Variants in ANKRD36C observed in about 807,000 individuals in gnomAD.
ANKRD36C encodes the protein ankyrin repeat domain 36C, also known as ankyrin repeat domain-containing protein 36C.
Under a neutral mutation model 276.4 loss-of-function variants are expected in ANKRD36C, and 61 were observed. The observed-to-expected ratio is 0.22, with a 90% CI of 0.18 to 0.27. The LOEUF is 0.27. Ranked by LOEUF, ANKRD36C falls within the 10% of genes least tolerant of loss-of-function variation. The pLI, the probability that ANKRD36C is intolerant of heterozygous loss-of-function variation, is 1.00. For missense variants in ANKRD36C, 1,447 were observed against 2,032.3 expected, an observed-to-expected ratio of 0.71 and a Z score of 5.54; for synonymous variants, 483 against 680.1, an observed-to-expected ratio of 0.71 and a Z score of 4.51.
At chr2:95,918,231 C>G (rs1387963801) in intron 34 of ANKRD36C, among the ~76,000 whole-genome samples, 189 bp from the exon 37 acceptor site, 2 of 151,600 alleles carry the variant, frequency 1.3e-5, no homozygotes, top group African/African-American at 2.4e-5. Context: ...CAGGCTCCAT[C>G]AAATATATCC....
At chr2:95,910,675 G>C (rs527504628) in intron 42 of ANKRD36C, 107 bp from the exon 45 acceptor site, 3 of 1,564,972 alleles carry the variant, frequency 1.9e-6, no homozygotes, top group East Asian at 2.3e-5. Context: ...CTGTATTAGC[G>C]CAGGCTTTGA....
intron 42 of ANKRD36C, chr2:95,902,926 A>T (rs1355110774): frequency 1.4e-5 from 23 of 1,589,470 alleles, no homozygotes; most frequent in Non-Finnish European, 2.0e-5. Flanking sequence ...CTCTGGCTAT[A>T]TTCAAAAGAG....
exon 8 of ANKRD36C, chr2:95,962,400 T>C (rs760098161): frequency 4.5e-6 from 7 of 1,568,526 alleles, no homozygotes; most frequent in Admixed American, 1.9e-5. Flanking sequence ...ATATTCGAGA[T>C]AGAATCTTCC....
At chr2:95,910,615 A>G in intron 42 of ANKRD36C, 47 bp from the exon 45 acceptor site, 1 of 1,601,800 alleles carries the variant, frequency 6.2e-7, no homozygotes, top group Non-Finnish European at 8.5e-7. Flanking sequence ...AAATATGACA[A>G]AGATATCCAT....
At chr2:95,946,326 A>G (rs1227126246) in intron 17 of ANKRD36C, among the ~76,000 whole-genome samples, 1 of 150,932 alleles carries the variant, frequency 6.6e-6, no homozygotes, top group Admixed American at 6.6e-5. Flanking sequence ...ATCACTGGCC[A>G]TCAGAGAAAT....
At chr2:95,926,314 T>G (rs574088647) in intron 28 of ANKRD36C, among the ~76,000 whole-genome samples, 14 of 151,786 alleles carry the variant, frequency 9.2e-5, no homozygotes, top group South Asian at 2.1e-4. Context: ...AATAACCTTT[T>G]ACATTTGGAA....
chr2:95,907,840 C>G (rs1676787495), intron 42 of ANKRD36C, among the ~76,000 whole-genome samples: 1 of 149,458 alleles, frequency 6.7e-6, no homozygotes, highest in Non-Finnish European at 1.5e-5. Context: ...TCCTAGTAAC[C>G]AAGAGGAGTA....
chr2:95,974,126 C>T (rs1678756957), intron 6 of ANKRD36C, among the ~76,000 whole-genome samples: 1 of 151,694 alleles, frequency 6.6e-6, no homozygotes, highest in Non-Finnish European at 1.5e-5. Context: ...AATATTCCAG[C>T]TAAGTAACAG....
intron 3 of ANKRD36C, 192 bp downstream of exon 3, chr2:95,986,559 T>C: frequency 1.4e-6 from 1 of 711,188 alleles, no homozygotes; most frequent in Non-Finnish European, 2.2e-6. Context: ...GCATGAAAAA[T>C]AGCTGTTCCT....
intron 28 of ANKRD36C, among the ~76,000 whole-genome samples, chr2:95,926,052 C>T (rs1474365927): frequency 2.0e-5 from 3 of 151,442 alleles, no homozygotes; most frequent in South Asian, 2.1e-4. Context: ...CACAAGTCCT[C>T]GGTGGAAGTG....
intron 50 of ANKRD36C, among the ~76,000 whole-genome samples, chr2:95,886,845 T>C (rs1423757114): frequency 6.6e-6 from 1 of 151,692 alleles, no homozygotes; most frequent in African/African-American, 2.4e-5. Flanking sequence ...ATAATTTGCC[T>C]AAGCTTCTTG....
exon 49 of ANKRD36C, chr2:95,888,102 G>A (rs781366325): frequency 6.2e-7 from 1 of 1,609,118 alleles, no homozygotes; most frequent in South Asian, 1.1e-5. Flanking sequence ...CTTCAAGGCT[G>A]GTTGTTTCTG....
intron 60 of ANKRD36C, among the ~76,000 whole-genome samples, chr2:95,861,200 T>TA (rs1553397328): frequency 2.7e-4 from 41 of 151,400 alleles, no homozygotes; most frequent in African/African-American, 5.3e-4. Context: ...GGTTTTTTTT[T>TA]AAAAAAAACA....
chr2:95,910,346 C>T (rs769824082), intron 42 of ANKRD36C, 27 bp downstream of exon 46: 36 of 1,524,326 alleles, frequency 2.4e-5, no homozygotes, highest in Admixed American at 1.2e-4. Flanking sequence ...GGACAGAACA[C>T]GACATTAAAT....
intron 12 of ANKRD36C, among the ~76,000 whole-genome samples, chr2:95,957,030 T>C (rs1269875302): frequency 6.6e-6 from 1 of 151,468 alleles, no homozygotes; most frequent in African/African-American, 2.4e-5. Context: ...AAAAAAATCA[T>C]GTAGGCAGGG....
chr2:95,911,033 G>C (rs941661850), intron 42 of ANKRD36C, among the ~76,000 whole-genome samples: 2 of 151,294 alleles, frequency 1.3e-5, no homozygotes, highest in African/African-American at 2.4e-5. Context: ...GCACACAATT[G>C]CGACGATACT....
chr2:95,961,451 G>C (rs1678458459), intron 8 of ANKRD36C, among the ~76,000 whole-genome samples: 1 of 151,956 alleles, frequency 6.6e-6, no homozygotes, highest in Non-Finnish European at 1.5e-5. Context: ...TTTGGAAAAT[G>C]CTCTCATATT....
At chr2:95,912,839 T>C (rs139944849) in intron 40 of ANKRD36C, among the ~76,000 whole-genome samples, 105 of 151,534 alleles carry the variant, frequency 6.9e-4, no homozygotes, top group Middle Eastern at 3.4e-3. Context: ...ATTTACACCA[T>C]TAGGCTACAA....
At chr2:95,871,996 G>C (rs891082524) in intron 59 of ANKRD36C, among the ~76,000 whole-genome samples, 3 of 147,262 alleles carry the variant, frequency 2.0e-5, no homozygotes, top group Non-Finnish European at 4.5e-5. Context: ...ACCCAATACA[G>C]GAGCACCCAG....
Sources: gnomAD v4.1 joint callset for allele counts (sites outside exome capture counted in the v4.1 genomes callset) on GRCh38, gnomAD v4.1.1 for gene constraint, MANE v1.5 for transcripts, NCBI Gene and HGNC (gene_info 2026-07-23, HGNC 2026-07-21) for gene names.